The following ERCC6 variants were observed in gnomAD, a reference collection of about 807,000 sequenced individuals.
The protein encoded by ERCC6 is ERCC excision repair 6, chromatin remodeling factor, also known as DNA excision repair protein ERCC-6.
Under a neutral mutation model 158.7 loss-of-function variants are expected in ERCC6, and 116 were observed. The observed-to-expected ratio is 0.73, with a 90% CI of 0.63 to 0.85. ERCC6 has a LOEUF of 0.85. ERCC6 is among the 40% of genes least tolerant of loss of function. The probability of loss-of-function intolerance (pLI) is 0.00; values close to 1 mark genes in which losing one functional copy is unlikely to be tolerated. For synonymous variants in ERCC6, 678 were observed against 659.3 expected (o/e 1.03, Z -0.43); for missense variants, 1,698 against 1,799.4 (o/e 0.94, Z 1.02).
At position 49,526,115 on chromosome 10, in the gene ERCC6, T is replaced by A. The variant is rs11101151; in HGVS notation, c.653-1338A>T. Among the ~76,000 whole-genome samples the A allele has an allele frequency of 4.3e-3, 448 of 104,388 alleles. 6 individuals carry two copies. The highest frequency in any genetic ancestry group is 9.4e-3 in the Middle Eastern group (2 of 212). The allele number at this position is 104,388 out of a possible 152,430, so 68.5% of individuals were successfully genotyped here. On this transcript the variant is annotated intron_variant, in intron 4 of 20. Transcript: ENST00000355832. ...TTTATATATTTATATATTTATATAT[T>A]TTTATATATATATATATATATATAT...
chr10:49,467,133 G>A (rs767113824), intron 18 of ERCC6, among the ~76,000 whole-genome samples: 38 of 152,268 alleles, frequency 2.5e-4, no homozygotes, highest in African/African-American at 4.8e-4. Flanking sequence ...CTATTTACTT[G>A]TTGGTAGACA....
intron 5 of ERCC6, among the ~76,000 whole-genome samples, chr10:49,510,348 T>C (rs946779665): frequency 3.3e-5 from 5 of 152,186 alleles, no homozygotes; most frequent in African/African-American, 1.2e-4. Context: ...CACCGTGCCA[T>C]ACCATGTATG....
chr10:49,471,840 T>C lies in ERCC6; in HGVS notation c.2924+536A>G, dbSNP rs200176726. Among the ~76,000 whole-genome samples, 18 of 151,592 alleles carry C rather than the reference T, an allele frequency of 1.2e-4. No individual in the cohort carries two copies. In the East Asian group the frequency reaches 3.5e-3, roughly 29 times the overall value. On this transcript the variant is annotated intron_variant, in intron 16 of 20. Transcript: ENST00000355832. ...AAGGATAAAGTCTGTGGTGGGGGAG[T>C]GGGAGAAGCTGGCAATGTCTTGATT...
At chr10:49,471,234 T>C (rs1185768102) in intron 16 of ERCC6, 114 bp from the exon 17 acceptor site, 4 of 1,016,110 alleles carry the variant, frequency 3.9e-6, no homozygotes, top group African/African-American at 3.2e-5. Flanking sequence ...AATGGCTAAA[T>C]AATCCCCCAA....
the ERCC6 span, among the ~76,000 whole-genome samples, chr10:49,440,818 G>C: frequency 6.6e-6 from 1 of 152,190 alleles, no homozygotes; most frequent in Non-Finnish European, 1.5e-5. Flanking sequence ...GGGCAGGCAT[G>C]GTGGGCACTA....
chr10:49,461,217 T>C (rs1850575876), intron 19 of ERCC6, 135 bp downstream of exon 19: 5 of 906,138 alleles, frequency 5.5e-6, no homozygotes, highest in Non-Finnish European at 8.7e-6. Flanking sequence ...CACCCAGATT[T>C]TGCTGCTATA....
intron 7 of ERCC6, among the ~76,000 whole-genome samples, chr10:49,498,063 A>T (rs1365547511): frequency 1.3e-5 from 2 of 152,228 alleles, no homozygotes; most frequent in Non-Finnish European, 2.9e-5. Context: ...AGTGAAAAGA[A>T]GGTGGTGTAT....
chr10:49,469,094 T>TAA (rs1418001598), intron 18 of ERCC6, among the ~76,000 whole-genome samples: 2 of 152,224 alleles, frequency 1.3e-5, no homozygotes, highest in African/African-American at 4.8e-5. Context: ...TTGGCAACCA[T>TAA]TGTAGTAATA....
intron 18 of ERCC6, among the ~76,000 whole-genome samples, chr10:49,467,199 C>T (rs550638809): frequency 1.7e-3 from 255 of 152,288 alleles, no homozygotes; most frequent in African/African-American, 5.8e-3. Context: ...TATTCATGTA[C>T]AAGCCTTCGT....
At chr10:49,460,636 G>A (rs566482119) in intron 19 of ERCC6, among the ~76,000 whole-genome samples, 185 bp from the exon 20 acceptor site, 1 of 152,232 alleles carries the variant, frequency 6.6e-6, no homozygotes, top group South Asian at 2.1e-4. Flanking sequence ...GAAAGTAACT[G>A]CTGGCTGGGC....
intron 4 of ERCC6, among the ~76,000 whole-genome samples, chr10:49,526,115 T>TATATATATATATATATATA (rs1564443868): frequency 1.1e-4 from 12 of 105,412 alleles, no homozygotes; most frequent in Admixed American, 2.0e-4. Flanking sequence ...ATTTATATAT[T>TATATATATATATATATATA]TTTATATATA....
At chr10:49,493,312 C>T (rs1194457123) in intron 7 of ERCC6, 60 bp from the exon 8 acceptor site, 1 of 1,598,258 alleles carries the variant, frequency 6.3e-7, no homozygotes, top group Non-Finnish European at 8.6e-7. Context: ...TCATCAACTG[C>T]TCAAAAGATC....
chr10:49,476,873 G>A (rs555480237), intron 11 of ERCC6, among the ~76,000 whole-genome samples: 1 of 152,118 alleles, frequency 6.6e-6, no homozygotes, highest in South Asian at 2.1e-4. Context: ...ACATTCCCAC[G>A]GATGCTCATT....
intron 5 of ERCC6, among the ~76,000 whole-genome samples, chr10:49,518,567 GC>G (rs1162082047): frequency 1.3e-5 from 2 of 152,092 alleles, no homozygotes; most frequent in East Asian, 3.9e-4. Flanking sequence ...TCCCGCCCCT[GC>G]CCCCACCTCC....
intron 6 of ERCC6, chr10:49,505,152 A>T (rs1016701500): frequency 1.3e-5 from 2 of 152,142 alleles, no homozygotes; most frequent in African/African-American, 4.8e-5. Context: ...GCCTTCCTAA[A>T]GTATCTTGTT....
Position 49,476,201 on chromosome 10 carries a change from A to G in ERCC6, c.2382+14T>C, listed in dbSNP as rs779988885. The stretch of plus-strand genomic sequence containing the variant: ...TCCACAATTCATTTCTCCAGCTTCT[A>G]TTTTTTAGCTGACCTGCATCTCTCC... On this transcript the variant is annotated intron_variant, in intron 12 of 20. Coordinates refer to ENST00000355832, the MANE Select transcript of ERCC6 (RefSeq NM_000124.4). 3 of 1,582,446 alleles carry G rather than the reference A, an allele frequency of 1.9e-6. No homozygotes were observed. The highest frequency in any genetic ancestry group is 2.2e-5 in the East Asian group (1 of 44,690).
At position 49,532,768 on chromosome 10, in the gene ERCC6, G is replaced by A. The variant is rs759569215; in HGVS notation, c.197C>T (p.Pro66Leu). 12 of 1,614,054 alleles carry A rather than the reference G, an allele frequency of 7.4e-6. No homozygotes were observed. Among genetic ancestry groups the A allele is most frequent in the Admixed American group, 1.7e-5 (1 of 59,998 alleles). ...TSAVGCASAA[P>L]RRGPALLHID... ...GTGCAGCAGGGCTGGCCCTCTCCTC[G>A]GAGCTGCTGATGCGCACCCCACAGC... Residue 66 changes from proline (P) to leucine (L), a missense_variant, in exon 2 of 21, where the codon CCG becomes CTG. Transcript: ENST00000355832.
intron 8 of ERCC6, 62 bp downstream of exon 8, chr10:49,493,055 A>G (rs538997959): frequency 1.3e-6 from 2 of 1,577,790 alleles, no homozygotes; most frequent in Admixed American, 1.7e-5. Flanking sequence ...TCAGAGAAAA[A>G]CCAAATATGT....
intron 1 of ERCC6, among the ~76,000 whole-genome samples, chr10:49,536,565 G>A (rs969494586): frequency 6.6e-6 from 1 of 152,210 alleles, no homozygotes; most frequent in Non-Finnish European, 1.5e-5. Context: ...CAGTTCCTGA[G>A]TCAGGAGACA....
Sources: allele counts gnomAD v4.1 joint callset (sites outside exome capture counted in the v4.1 genomes callset), GRCh38; gene constraint gnomAD v4.1.1; transcripts MANE v1.5; gene names NCBI Gene and HGNC (gene_info 2026-07-23, HGNC 2026-07-21).